The following MGAM variants were observed in gnomAD, a reference collection of about 807,000 sequenced individuals.
MGAM encodes the protein alpha-1,4-glucosidase.
Under a neutral mutation model 358.8 loss-of-function variants are expected in MGAM, and 253 were observed. That is an observed-to-expected ratio of 0.71 (90% CI 0.64 to 0.78). MGAM has a LOEUF of 0.78. Among genes scored for constraint, MGAM ranks in the 30% least tolerant of loss-of-function variants. The probability of loss-of-function intolerance (pLI) is 0.00; values close to 1 mark genes in which losing one functional copy is unlikely to be tolerated. For synonymous variants in MGAM, 1,105 were observed against 1,227.1 expected (o/e 0.90, Z 2.08); for missense variants, 3,080 against 3,432.6 (o/e 0.90, Z 2.57).
At position 142,060,296 on chromosome 7, in the gene MGAM, T is replaced by C; in HGVS notation, c.4060-15T>C. 2 of 1,613,446 alleles carry C rather than the reference T, an allele frequency of 1.2e-6. No individual in the cohort carries two copies. The highest frequency in any genetic ancestry group is 1.1e-5 in the South Asian group (1 of 91,064). ...TTGTCTAGTGCATCGCTACTGAACG[T>C]ATTTCTCTCCATAGGTCTGGCCTGA... On this transcript the variant is annotated splice_polypyrimidine_tract_variant and intron_variant, in intron 33 of 70. Coordinates refer to ENST00000475668, the MANE Select transcript of MGAM (RefSeq NM_001365693.1).
In MGAM at chr7:142,105,799, T is replaced by G. The variant is rs1816816023; in HGVS notation, c.8185-15T>G. ...AACACCGGATGCCCAATTCTTTTCC[T>G]TTGGTTCCTAACAGGTATTAAGCAT... is the stretch of plus-strand genomic sequence containing the variant. On this transcript the variant is annotated splice_polypyrimidine_tract_variant and intron_variant, in intron 70 of 70. Transcript: ENST00000475668. The G allele has an allele frequency of 6.2e-7, 1 of 1,606,566 alleles. No individual in the cohort carries two copies. Among genetic ancestry groups the G allele is most frequent in the Admixed American group, 1.7e-5 (1 of 59,854 alleles).
At chr7:142,104,863 G>A (rs1816717298) in intron 70 of MGAM, among the ~76,000 whole-genome samples, 1 of 152,104 alleles carries the variant, frequency 6.6e-6, no homozygotes, top group Non-Finnish European at 1.5e-5. Flanking sequence ...TCTTCCTTGT[G>A]TGCTTACTTA....
intron 3 of MGAM, among the ~76,000 whole-genome samples, chr7:142,012,983 G>C (rs1238707549): frequency 2.0e-5 from 3 of 152,162 alleles, no homozygotes; most frequent in African/African-American, 7.2e-5. Flanking sequence ...AACCAGCATA[G>C]TATCACTTTT....
Position 142,080,885 on chromosome 7 carries a change from T to C in MGAM, c.5942T>C (p.Val1981Ala). ...SSTPEGQLYD[V>A]LIKKNPFGIE... The stretch of plus-strand genomic sequence containing the variant: ...ACCCCTGAGGGTCAACTCTATGATG[T>C]CCTCATTAAGAAGAATCCATTTGGG... Residue 1981 changes from valine to alanine, a missense_variant, in exon 50 of 71, where the codon GTC (valine) becomes GCC (alanine). By Grantham distance (64) the Val-to-Ala change is moderately conservative. Around this residue, in one of 5 missense-constraint regions of MGAM, gnomAD observed 932 missense variants for 1,198.2 expected, o/e 0.78. Transcript: ENST00000475668. 1 of 1,556,656 alleles carries C rather than the reference T, an allele frequency of 6.4e-7. No individual in the cohort carries two copies.
chr7:142,022,309 T>G lies in MGAM; in HGVS notation c.752T>G (p.Phe251Cys). The change falls in exon 7 of 71, where the codon TTC (phenylalanine) becomes TGC (cysteine). Residue 251 changes from phenylalanine (F) to cysteine (C), a missense_variant. Coordinates refer to ENST00000475668, the MANE Select transcript of MGAM (RefSeq NM_001365693.1). The part of the protein sequence containing the change: ...SIGPLLFADQ[F>C]LQLSTRLPST... Reference sequence around the variant, plus strand: ...GGGCCCCTACTGTTTGCTGACCAGTTCTTGCAGCTCTCCACTCGACTGCCT... The same window carrying G: ...GGGCCCCTACTGTTTGCTGACCAGTGCTTGCAGCTCTCCACTCGACTGCCT... 6.2e-7 allele frequency: 1 copy of G among 1,613,040 alleles called. No homozygotes were observed.
In MGAM at chr7:142,027,141, A is replaced by G. The variant is rs1554461188; in HGVS notation, c.1009A>G (p.Ile337Val). The G allele has an allele frequency of 6.2e-7, 1 of 1,613,590 alleles. No individual in the cohort carries two copies. Residue 337 changes from isoleucine (I) to valine (V), a missense_variant, in exon 9 of 71, where the codon ATC becomes GTC. Transcript: ENST00000475668. Reference protein sequence around the residue: ...MEVVLQPAPAITYRTIGGILD... With the variant: ...MEVVLQPAPAVTYRTIGGILD... ...GGTTGTCCTTCAGCCTGCGCCAGCC[A>G]TCACTTACCGCACCATTGGGGGCAT...
At chr7:142,064,610 A>C in intron 37 of MGAM, 88 bp downstream of exon 37, 2 of 1,467,666 alleles carry the variant, frequency 1.4e-6, no homozygotes, top group Non-Finnish European at 1.8e-6. Context: ...CTTTCATTCC[A>C]TTTCTAAGGA....
chr7:142,022,575 T>C (rs1436833630), intron 7 of MGAM, 136 bp downstream of exon 7: 1 of 937,516 alleles, frequency 1.1e-6, no homozygotes, highest in Middle Eastern at 3.3e-4. Flanking sequence ...AGTCTTGCTA[T>C]TCACCAGTTA....
In MGAM at chr7:142,021,848, T is replaced by C. The variant is rs1157653511; in HGVS notation, c.710+111T>C. On this transcript the variant is annotated intron_variant, in intron 6 of 70. Transcript: ENST00000475668. Reference sequence around the variant, plus strand: ...ATTCCTGAAGGTTGTGGGCCCATTATTGGTGACCAGAACCTTTACCTTCTA... The same window carrying C: ...ATTCCTGAAGGTTGTGGGCCCATTACTGGTGACCAGAACCTTTACCTTCTA... 6.2e-6 allele frequency: 7 copies of C among 1,138,168 alleles called. No individual in the cohort carries two copies. In the African/African-American group the frequency reaches 7.8e-5, roughly 13 times the overall value. 70.5% of individuals were successfully genotyped at this position (1,138,168 alleles called of 1,614,324 possible).
At chr7:141,988,257 C>T (rs1411016900) in intron 2 of MGAM, among the ~76,000 whole-genome samples, 1 of 151,962 alleles carries the variant, frequency 6.6e-6, no homozygotes, top group Non-Finnish European at 1.5e-5. Context: ...CACTGCACTT[C>T]AGCACTTTAG....
chr7:142,024,956 T>A, intron 7 of MGAM, 94 bp from the exon 8 acceptor site: 1 of 788,622 alleles, frequency 1.3e-6, no homozygotes, highest in Non-Finnish European at 2.2e-6. Context: ...TGTCAATTAG[T>A]TGCATGATTA....
intron 15 of MGAM, 22 bp from the exon 16 acceptor site, chr7:142,034,648 C>T (rs782369855): frequency 1.1e-5 from 17 of 1,608,328 alleles, no homozygotes; most frequent in Non-Finnish European, 4.2e-6. Flanking sequence ...ACATTGACTC[C>T]TTAAATCTCT....
In MGAM at chr7:142,040,116, G is replaced by A. The variant is rs768666141; in HGVS notation, c.2318G>A (p.Gly773Asp). Residue 773 changes from glycine to aspartate, a missense_variant and splice_region_variant, in exon 20 of 71, where the codon GGT (glycine) becomes GAT (aspartate). Gly to Asp is a moderately conservative substitution (Grantham distance 94). Transcript: ENST00000475668. The part of the protein sequence containing the change: ...GLLITPVLDE[G>D]AEKVMAYVPD... ...GACACTACATTTTTTTAATTTCAGG[G>A]TGCAGAGAAAGTGATGGCATATGTG... 4.3e-6 allele frequency: 7 copies of A among 1,610,588 alleles called. No homozygotes were observed. Among genetic ancestry groups the A allele is most frequent in the East Asian group, 4.5e-5 (2 of 44,750 alleles).
At chr7:142,102,501 TA>T in intron 68 of MGAM, 128 bp from the exon 69 acceptor site, 2 of 886,542 alleles carry the variant, frequency 2.3e-6, no homozygotes, top group Non-Finnish European at 3.4e-6. Context: ...AAGACAGAAA[TA>T]AAAACAAAGA....
Position 142,103,374 on chromosome 7 carries a change from A to C in MGAM, c.8119A>C (p.Ser2707Arg). 1 of 1,613,366 alleles carries C rather than the reference A, an allele frequency of 6.2e-7. No homozygotes were observed. Among genetic ancestry groups the C allele is most frequent in the Non-Finnish European group, 8.5e-7 (1 of 1,179,632 alleles). Residue 2707 changes from serine (S) to arginine (R), a missense_variant, in exon 70 of 71, where the codon AGT (serine) becomes CGT (arginine). Physicochemically the swap from Ser to Arg is moderately radical, Grantham distance 110. Coordinates refer to ENST00000475668, the MANE Select transcript of MGAM (RefSeq NM_001365693.1). ...GGGAGTGGGCAGTGTCCCCGTTACCAGTGTCAGCATCTCTGTGAGTGGCAT... is the reference window on the plus strand; with the variant it reads ...GGGAGTGGGCAGTGTCCCCGTTACCCGTGTCAGCATCTCTGTGAGTGGCAT... Reference protein sequence around the residue: ...IWGVGSVPVTSVSISVSGMVI... With the variant: ...IWGVGSVPVTRVSISVSGMVI...
intron 49 of MGAM, among the ~76,000 whole-genome samples, chr7:142,080,338 C>G (rs1814143929): frequency 6.8e-6 from 1 of 146,292 alleles, no homozygotes; most frequent in Admixed American, 6.9e-5. Flanking sequence ...CAGTGTCAGG[C>G]AGGGATGTAG....
At chr7:142,009,809 T>C (rs1805466240) in intron 3 of MGAM, among the ~76,000 whole-genome samples, 1 of 152,086 alleles carries the variant, frequency 6.6e-6, no homozygotes, top group African/African-American at 2.4e-5. Context: ...TGTTGTATGT[T>C]TTCTGAATCC....
chr7:142,019,468 A>T, intron 4 of MGAM, 149 bp downstream of exon 4: 1 of 846,568 alleles, frequency 1.2e-6, no homozygotes. Flanking sequence ...CGAGGACTAG[A>T]ATCTATGTGG....
In MGAM at chr7:142,040,837, C is replaced by T. The variant is rs1432514373; in HGVS notation, c.2489C>T (p.Thr830Ile). 28 of 1,611,138 alleles carry T rather than the reference C, an allele frequency of 1.7e-5. No individual in the cohort carries two copies. Among genetic ancestry groups the T allele is most frequent in the Non-Finnish European group, 2.4e-5 (28 of 1,178,634 alleles). Residue 830 changes from threonine (T) to isoleucine (I), a missense_variant, in exon 21 of 71, where the codon ACT becomes ATT. Coordinates refer to ENST00000475668, the MANE Select transcript of MGAM (RefSeq NM_001365693.1). ...CCCACACAGCAGCCAAATACAACCA[C>T]TCTGGCCAGGTATAGCATGGCTGGA... ...IFPTQQPNTT[T>I]LASRKNPLGL...
Sources: allele counts gnomAD v4.1 joint callset (sites outside exome capture counted in the v4.1 genomes callset), GRCh38; gene constraint gnomAD v4.1.1; regional missense constraint gnomAD v4.1.1; transcripts MANE v1.5; gene names NCBI Gene and HGNC (gene_info 2026-07-23, HGNC 2026-07-21).